The following COG5 variants were observed in gnomAD, a reference collection of about 807,000 sequenced individuals.
COG5 encodes conserved oligomeric Golgi complex subunit 5.
In COG5, 86 loss-of-function variants were observed where a neutral mutation model predicts 110.4. The observed-to-expected ratio is 0.78, with a 90% CI of 0.65 to 0.93. COG5 has a LOEUF of 0.93. Among genes scored for constraint, COG5 ranks in the 40% least tolerant of loss-of-function variants. The pLI is 0.00. For synonymous variants in COG5, 360 were observed against 334.6 expected, an observed-to-expected ratio of 1.08 and a Z score of -0.83; for missense variants, 1,077 against 987.0, an observed-to-expected ratio of 1.09 and a Z score of -1.22.
At chr7:107,258,425 T>TTCTCTCTCTCTCTC (rs71134258) in intron 14 of COG5, 42 bp from the exon 15 acceptor site, 1 of 661,400 alleles carries the variant, frequency 1.5e-6, no homozygotes, top group African/African-American at 1.9e-5. Context: ...AGAATGATAA[T>TTCTCTCTCTCTCTC]TCTCTCTCTC....
chr7:107,385,495 C>T (rs1198231403), intron 7 of COG5, among the ~76,000 whole-genome samples: 2 of 152,124 alleles, frequency 1.3e-5, no homozygotes, highest in African/African-American at 4.8e-5. Context: ...CAAAATATAG[C>T]ATATATACAC....
chr7:107,407,704 G>A (rs1481944645), intron 7 of COG5, among the ~76,000 whole-genome samples: 4 of 151,686 alleles, frequency 2.6e-5, no homozygotes, highest in Non-Finnish European at 5.9e-5. Context: ...GCTATTTGGG[G>A]AAGTTAAGGA....
intron 14 of COG5, among the ~76,000 whole-genome samples, chr7:107,272,954 T>C (rs1804398805): frequency 6.6e-6 from 1 of 152,250 alleles, no homozygotes; most frequent in South Asian, 2.1e-4. Flanking sequence ...AGCTTGCTTA[T>C]ACTCAAATGC....
chr7:107,329,699 C>T (rs1446246660), intron 10 of COG5, among the ~76,000 whole-genome samples: 1 of 151,232 alleles, frequency 6.6e-6, no homozygotes, highest in Non-Finnish European at 1.5e-5. Context: ...CAAGACCATC[C>T]TTGGCAACAG....
At chr7:107,348,350 C>T (rs866504384) in intron 10 of COG5, among the ~76,000 whole-genome samples, 17 of 151,946 alleles carry the variant, frequency 1.1e-4, no homozygotes, top group South Asian at 6.2e-4. Context: ...GGCAAGGGGT[C>T]TTCTCTAGAA....
At chr7:107,376,411 A>G (rs1814642126) in intron 7 of COG5, among the ~76,000 whole-genome samples, 1 of 152,002 alleles carries the variant, frequency 6.6e-6, no homozygotes, top group Non-Finnish European at 1.5e-5. Context: ...CAAATCCATG[A>G]ATATGGTATC....
At chr7:107,364,945 G>T (rs907563322) in intron 8 of COG5, among the ~76,000 whole-genome samples, 1 of 152,022 alleles carries the variant, frequency 6.6e-6, no homozygotes, top group African/African-American at 2.4e-5. Context: ...ACAGGAAATG[G>T]ATAATACTGT....
At chr7:107,295,085 A>G (rs1562955704) in intron 12 of COG5, among the ~76,000 whole-genome samples, 1 of 68,384 alleles carries the variant, frequency 1.5e-5, no homozygotes, top group Non-Finnish European at 2.7e-5. Flanking sequence ...ATATATATAT[A>G]TATATATATA....
intron 6 of COG5, among the ~76,000 whole-genome samples, chr7:107,439,693 C>G (rs1448260342): frequency 6.6e-6 from 1 of 151,742 alleles, no homozygotes; most frequent in Non-Finnish European, 1.5e-5. Context: ...TGTAATAGAT[C>G]CTTTTGAGTT....
At chr7:107,329,166 C>G (rs1810026667) in intron 10 of COG5, among the ~76,000 whole-genome samples, 1 of 152,042 alleles carries the variant, frequency 6.6e-6, no homozygotes, top group Admixed American at 6.6e-5. Context: ...TCTGAAGAAC[C>G]CTGATATCCT....
At chr7:107,391,090 C>G (rs1790592045) in intron 7 of COG5, among the ~76,000 whole-genome samples, 2 of 152,188 alleles carry the variant, frequency 1.3e-5, no homozygotes, top group Non-Finnish European at 1.5e-5. Context: ...TTGCTCTCTA[C>G]TTGGTGGGAG....
At chr7:107,431,535 A>G (rs1794026638) in intron 6 of COG5, among the ~76,000 whole-genome samples, 1 of 152,248 alleles carries the variant, frequency 6.6e-6, no homozygotes, top group African/African-American at 2.4e-5. Context: ...TATAGAGAAT[A>G]TATGAAAGAT....
chr7:107,266,283 G>A (rs931668752), intron 14 of COG5, among the ~76,000 whole-genome samples: 3 of 152,076 alleles, frequency 2.0e-5, no homozygotes, highest in African/African-American at 7.2e-5. Flanking sequence ...AAAACTATCA[G>A]AAAATATTTT....
chr7:107,259,629 G>T (rs1803167313), intron 14 of COG5, among the ~76,000 whole-genome samples: 1 of 151,946 alleles, frequency 6.6e-6, no homozygotes, highest in Admixed American at 6.6e-5. Context: ...GACTATAATG[G>T]GCATTTAAAA....
At chr7:107,504,816 T>G (rs1798871173) in intron 6 of COG5, among the ~76,000 whole-genome samples, 1 of 152,216 alleles carries the variant, frequency 6.6e-6, no homozygotes, top group Non-Finnish European at 1.5e-5. Context: ...TCAAATGATC[T>G]ATTGCGTTCT....
In COG5 at chr7:107,237,216, C is replaced by T. The variant is rs546498182; in HGVS notation, c.1854-529G>A. On this transcript the variant is annotated intron_variant, in intron 17 of 21. Transcript: ENST00000297135. ...TCTGACTGTGGAAATGGTTATGTAACAGTACACATGGCATGCAGTTTTTTC... is the reference window on the plus strand; with the variant it reads ...TCTGACTGTGGAAATGGTTATGTAATAGTACACATGGCATGCAGTTTTTTC... Among the ~76,000 whole-genome samples, 14 of 152,322 alleles carry T rather than the reference C, an allele frequency of 9.2e-5. No homozygotes were observed. The South Asian group carries it at 2.9e-3, about 32-fold the overall frequency.
In COG5 at chr7:107,430,802, T is replaced by C. The variant is rs1793977540; in HGVS notation, c.539-18170A>G. On this transcript the variant is annotated intron_variant, in intron 6 of 21. Transcript: ENST00000297135. The stretch of plus-strand genomic sequence containing the variant: ...CTACCTTACATGCTAAAAGGAACAA[T>C]GCAGATATGCCATGGGTCTTGAGAT... Among the ~76,000 whole-genome samples the C allele has an allele frequency of 7.9e-5, 12 of 152,264 alleles. No individual in the cohort carries two copies. The South Asian group carries it at 2.3e-3, about 29-fold the overall frequency.
chr7:107,521,013 C>T (rs1254871610), intron 6 of COG5, among the ~76,000 whole-genome samples: 1 of 152,054 alleles, frequency 6.6e-6, no homozygotes, highest in Non-Finnish European at 1.5e-5. Flanking sequence ...AGCTGATCTT[C>T]AACAAATTGG....
chr7:107,319,475 G>T (rs1289468058), intron 11 of COG5, among the ~76,000 whole-genome samples: 1 of 152,018 alleles, frequency 6.6e-6, no homozygotes, highest in Non-Finnish European at 1.5e-5. Context: ...CCATTTTTTT[G>T]TGTGTGCAGC....
Sources: gnomAD v4.1 joint callset for allele counts (sites outside exome capture counted in the v4.1 genomes callset) on GRCh38, gnomAD v4.1.1 for gene constraint, MANE v1.5 for transcripts, NCBI Gene and HGNC (gene_info 2026-07-23, HGNC 2026-07-21) for gene names.